Variants in WDFY4 observed in about 807,000 individuals in gnomAD.
WDFY4 encodes the protein WD repeat- and FYVE domain-containing protein 4.
WDFY4 carries 169 observed loss-of-function variants against 351.9 expected under a neutral mutation model. The ratio of observed to expected loss-of-function variants is 0.48; its 90% CI spans 0.42 to 0.55. The LOEUF (loss-of-function observed/expected upper bound fraction) is 0.55, where lower values mean the gene tolerates loss of function less well. Ranked by LOEUF, WDFY4 falls within the 20% of genes least tolerant of loss-of-function variation. The pLI is 0.00. For missense variants in WDFY4, 3,803 were observed against 3,935.6 expected (o/e 0.97, Z 0.90); for synonymous variants, 1,622 against 1,574.6 (o/e 1.03, Z -0.71).
intron 40 of WDFY4, among the ~76,000 whole-genome samples, chr10:48,872,143 A>G (rs1165575264): frequency 6.6e-6 from 1 of 152,214 alleles, no homozygotes; most frequent in African/African-American, 2.4e-5. Flanking sequence ...CCCCAAAGCC[A>G]TGCTTTCATG....
chr10:48,872,808 G>C (rs1240343109), intron 40 of WDFY4, among the ~76,000 whole-genome samples: 3 of 152,198 alleles, frequency 2.0e-5, no homozygotes, highest in Non-Finnish European at 4.4e-5. Context: ...GGATCTTATA[G>C]CTATTAAATG....
intron 47 of WDFY4, among the ~76,000 whole-genome samples, chr10:48,934,282 G>C (rs1248966034): frequency 3.3e-5 from 5 of 152,166 alleles, no homozygotes; most frequent in Admixed American, 3.3e-4. Context: ...CTACTTTTTA[G>C]CACATTAAAA....
At chr10:48,966,414 C>A in intron 54 of WDFY4, 112 bp from the exon 55 acceptor site, 1 of 1,224,238 alleles carries the variant, frequency 8.2e-7, no homozygotes, top group Non-Finnish European at 1.1e-6. Context: ...CTGTCAGGAA[C>A]AAGCCGAGCT....
chr10:48,787,889 TTCTC>T (rs2066491955), intron 20 of WDFY4, among the ~76,000 whole-genome samples: 2 of 79,048 alleles, frequency 2.5e-5, no homozygotes, highest in African/African-American at 1.8e-4. Flanking sequence ...TTTCTTCTTC[TTCTC>T]CTTCTTCTTC....
chr10:48,760,561 C>G (rs917070967), intron 13 of WDFY4, 121 bp downstream of exon 13: 2 of 951,308 alleles, frequency 2.1e-6, no homozygotes, highest in Middle Eastern at 3.1e-4. Flanking sequence ...GTTAGCAGAG[C>G]TCCCCATGGG....
intron 47 of WDFY4, among the ~76,000 whole-genome samples, chr10:48,925,145 CA>C (rs1460211186): frequency 1.6e-4 from 25 of 152,178 alleles, no homozygotes; most frequent in Admixed American, 3.9e-4. Flanking sequence ...CTCACTCATT[CA>C]AAGGTAACTG....
Position 48,734,051 on chromosome 10 carries a change from A to C in WDFY4, c.1687+16A>C. The C allele has an allele frequency of 6.5e-7, 1 of 1,549,766 alleles. No homozygotes were observed. Among genetic ancestry groups the C allele is most frequent in the South Asian group, 1.2e-5 (1 of 83,966 alleles). On this transcript the variant is annotated intron_variant, in intron 10 of 61. Transcript: ENST00000325239. ...AGGAATGCAGGTAAGGATGGTGCCA[A>C]GTTTGCCTCATCACTGCTTGGTAAA...
At chr10:48,822,852 C>G (rs570601742) in intron 35 of WDFY4, among the ~76,000 whole-genome samples, 2 of 152,314 alleles carry the variant, frequency 1.3e-5, no homozygotes, top group South Asian at 4.1e-4. Context: ...TTGGTTTGAC[C>G]TTAATTGTTA....
Position 48,875,836 on chromosome 10 carries a change from A to T in WDFY4, c.7000+696A>T, listed in dbSNP as rs112112058. Among the ~76,000 whole-genome samples the T allele has an allele frequency of 6.3e-3, 953 of 152,276 alleles. 5 individuals carry two copies. Among genetic ancestry groups the T allele is most frequent in the Non-Finnish European group, 9.7e-3 (662 of 68,012 alleles). On this transcript the variant is annotated intron_variant, in intron 42 of 61. Transcript: ENST00000325239. ...CCAGAAGTGAGGATCTTGGGCTCTG[A>T]TCCCCAGGTGATTTGGGGTCTTATT...
intron 30 of WDFY4, 149 bp from the exon 31 acceptor site, chr10:48,813,808 T>G: frequency 1.1e-6 from 1 of 904,216 alleles, no homozygotes; most frequent in Non-Finnish European, 1.5e-6. Flanking sequence ...TGGGGTGAAA[T>G]TGTTCCTATG....
chr10:48,805,998 A>G lies in WDFY4; in HGVS notation c.4647-6A>G, dbSNP rs1334109134. On this transcript the variant is annotated splice_region_variant and splice_polypyrimidine_tract_variant and intron_variant, in intron 26 of 61. Transcript: ENST00000325239. Reference sequence around the variant, plus strand: ...CGAGCCTGTCCTTCTCTCCCTGTGTATAAAGGATTGGGCTGTTTGTTGTGT... The same window carrying G: ...CGAGCCTGTCCTTCTCTCCCTGTGTGTAAAGGATTGGGCTGTTTGTTGTGT... The G allele has an allele frequency of 1.9e-6, 3 of 1,551,636 alleles. No homozygotes were observed. The highest frequency in any genetic ancestry group is 2.6e-6 in the Non-Finnish European group (3 of 1,146,922).
chr10:48,851,241 G>A (rs1043951897), intron 39 of WDFY4, among the ~76,000 whole-genome samples: 5 of 152,178 alleles, frequency 3.3e-5, no homozygotes, highest in East Asian at 1.9e-4. Flanking sequence ...GGGGGCAGCC[G>A]TTGGTGAGAG....
intron 6 of WDFY4, among the ~76,000 whole-genome samples, chr10:48,727,000 G>T (rs1257331459): frequency 6.6e-6 from 1 of 152,126 alleles, no homozygotes; most frequent in African/African-American, 2.4e-5. Context: ...CTCTCTGTGG[G>T]CCACACTTCA....
intron 43 of WDFY4, among the ~76,000 whole-genome samples, chr10:48,880,619 G>A (rs2070206666): frequency 6.6e-6 from 1 of 152,166 alleles, no homozygotes; most frequent in Non-Finnish European, 1.5e-5. Flanking sequence ...CTTCCACTTG[G>A]CACCCGGTGG....
intron 39 of WDFY4, among the ~76,000 whole-genome samples, chr10:48,834,622 G>T (rs892991790): frequency 2.6e-5 from 4 of 152,244 alleles, no homozygotes; most frequent in Non-Finnish European, 5.9e-5. Flanking sequence ...ACTTGAGACA[G>T]AAGGGGCCCA....
chr10:48,913,479 T>C, intron 47 of WDFY4: 1 of 1,525,826 alleles, frequency 6.6e-7, no homozygotes, highest in Non-Finnish European at 8.8e-7. Context: ...CGTGGCCATG[T>C]TCTTGATTCT....
rs140209249 is a variant in WDFY4, at chr10:48,805,967, C to T, written c.4647-37C>T. 8.5e-5 allele frequency: 132 copies of T among 1,544,432 alleles called. 1 individual carries two copies. The highest frequency in any genetic ancestry group is 3.3e-4 in the Middle Eastern group (2 of 5,980). On this transcript the variant is annotated intron_variant, in intron 26 of 61. Coordinates refer to ENST00000325239, the MANE Select transcript of WDFY4 (RefSeq NM_001394531.1). ...TGTACTCAGCGGACTCAGTTGAGCC[C>T]GCCTGCGAGCCTGTCCTTCTCTCCC...
At chr10:48,752,007 A>G (rs1343680828) in intron 12 of WDFY4, among the ~76,000 whole-genome samples, 2 of 152,072 alleles carry the variant, frequency 1.3e-5, no homozygotes, top group African/African-American at 4.8e-5. Context: ...GCACTTTGGG[A>G]TTTGTACTTT....
rs2067653039 is a variant in WDFY4 at position 48,817,312 on chromosome 10, G to C, written c.5408G>C (p.Ser1803Thr). The change falls in exon 32 of 62, where the codon AGC (serine) becomes ACC (threonine). Residue 1803 changes from serine (S) to threonine (T), a missense_variant. This residue lies in a region of WDFY4 where 3,054 missense variants were observed against 3,148.6 expected (regional missense o/e 0.97). Coordinates refer to ENST00000325239, the MANE Select transcript of WDFY4 (RefSeq NM_001394531.1). ...CCGGCCAGCGTGCTGCAGTTCCTCA[G>C]CCTCGTCCACCGCACCTACCCCCAG... ...TFPASVLQFL[S>T]LVHRTYPQDP... 8.4e-6 allele frequency: 13 copies of C among 1,551,712 alleles called. No homozygotes were observed. Among genetic ancestry groups the C allele is most frequent in the African/African-American group, 1.4e-5 (1 of 73,184 alleles).
Sources: gnomAD v4.1 joint callset for allele counts (sites outside exome capture counted in the v4.1 genomes callset) on GRCh38, gnomAD v4.1.1 for gene constraint, gnomAD v4.1.1 regional missense constraint, MANE v1.5 for transcripts, NCBI Gene and HGNC (gene_info 2026-07-23, HGNC 2026-07-21) for gene names.